The following MYOG variants were observed in gnomAD, a reference collection of about 807,000 sequenced individuals.
The protein encoded by MYOG is myogenin.
MYOG carries 6 observed loss-of-function variants against 17.7 expected under a neutral mutation model. The observed-to-expected ratio is 0.34, with a 90% confidence interval of 0.19 to 0.67. The LOEUF (loss-of-function observed/expected upper bound fraction) is 0.67, where lower values mean the gene tolerates loss of function less well. Among genes scored for constraint, MYOG ranks in the 30% least tolerant of loss-of-function variants. The pLI is 0.69. For synonymous variants in MYOG, 125 were observed against 130.2 expected, an observed-to-expected ratio of 0.96 and a Z score of 0.27; for missense variants, 272 against 302.0, an observed-to-expected ratio of 0.90 and a Z score of 0.74.
In MYOG at chr1:203,085,856, C is replaced by G. The variant is rs141951943; in HGVS notation, c.106G>C (p.Glu36Gln). ...GGGCTCAGGGTGAGCTCCGTCCGCT[C>G]GTAGCCTGGTGGTTCGAAGCCCTGG... ...HLQGFEPPGY[E>Q]RTELTLSPEA... Residue 36 changes from glutamate (E) to glutamine (Q), a missense_variant, in exon 1 of 3, where the codon GAG (glutamate) becomes CAG (glutamine). By Grantham distance (29) the Glu-to-Gln change is conservative (BLOSUM62 2). Coordinates refer to ENST00000241651, the MANE Select transcript of MYOG (RefSeq NM_002479.6). 5.6e-4 allele frequency: 907 copies of G among 1,613,852 alleles called. 2 individuals carry two copies. Among genetic ancestry groups the G allele is most frequent in the Non-Finnish European group, 7.3e-4 (865 of 1,179,966 alleles).
At chr1:203,084,827 G>A (rs765843773) in intron 1 of MYOG, 99 bp from the exon 2 acceptor site, 13 of 1,257,532 alleles carry the variant, frequency 1.0e-5, no homozygotes, top group Non-Finnish European at 1.4e-5. Context: ...GGTGGGGTTG[G>A]AGGGTGGGCC....
At chr1:203,084,815 G>T in intron 1 of MYOG, 87 bp from the exon 2 acceptor site, 1 of 1,375,652 alleles carries the variant, frequency 7.3e-7, no homozygotes, top group Non-Finnish European at 1.0e-6. Flanking sequence ...AGAAGTACCT[G>T]TGGTGGGGTT....
In MYOG at chr1:203,083,642, C is replaced by T. The variant is rs999879726; in HGVS notation, c.*268G>A. The T allele has an allele frequency of 7.0e-6, 4 of 574,950 alleles. No homozygotes were observed. The highest frequency in any genetic ancestry group is 1.2e-5 in the Non-Finnish European group (4 of 324,354). The allele number at this position is 574,950 out of a possible 1,614,324, so 35.6% of individuals were successfully genotyped here. On this transcript the variant is annotated 3_prime_UTR_variant, in exon 3 of 3. Transcript: ENST00000241651. ...TTTGCCCCCTGAGCTGGGGCATACA[C>T]GAGGGGGCGCTCTGGTCCCCTGCTT...
In MYOG at chr1:203,084,650, C is replaced by T. The variant is rs1439049242; in HGVS notation, c.550G>A (p.Gly184Arg). The T allele has an allele frequency of 1.5e-5, 24 of 1,609,990 alleles. No individual in the cohort carries two copies. The highest frequency in any genetic ancestry group is 2.0e-5 in the Non-Finnish European group (24 of 1,178,158). The change falls in exon 2 of 3, where the codon GGG becomes AGG. Residue 184 changes from glycine to arginine, a missense_variant. By Grantham distance (125) the Gly-to-Arg change is moderately radical. Coordinates refer to ENST00000241651, the MANE Select transcript of MYOG (RefSeq NM_002479.6). The part of the protein sequence containing the change: ...GSALEFSANP[G>R]DHLLTADPTD... ...TTACCAGTCAGGCCTTACTTACCCC[C>T]TGGGTTGGCGCTGAACTCCAGTGCA...
rs1184333806 is a variant in MYOG, at chr1:203,084,744, A to G, written c.472-16T>C. 6.3e-7 allele frequency: 1 copy of G among 1,597,474 alleles called. No individual in the cohort carries two copies. The highest frequency in any genetic ancestry group is 2.3e-5 in the East Asian group (1 of 43,970). On this transcript the variant is annotated splice_polypyrimidine_tract_variant and intron_variant, in intron 1 of 2. Transcript: ENST00000241651. ...CGCTGGGCACCTGCAAGACAGGGCG[A>G]AGGCCCAAGGTCGGGGCACAGCCAT...
chr1:203,085,288 G>T (rs1409960103), intron 1 of MYOG, among the ~76,000 whole-genome samples: 1 of 152,132 alleles, frequency 6.6e-6, no homozygotes, highest in Non-Finnish European at 1.5e-5. Flanking sequence ...CCTCCCCACT[G>T]CCTTTATCTT....
At position 203,083,782 on chromosome 1, in the gene MYOG, C is replaced by A; in HGVS notation, c.*128G>T. On this transcript the variant is annotated 3_prime_UTR_variant, in exon 3 of 3. Coordinates refer to ENST00000241651, the MANE Select transcript of MYOG (RefSeq NM_002479.6). ...ATGGATGAGGAAGGGGATAGTCTGGCCTATGGCACCCCAGAGCTGGCTTCC... is the reference window on the plus strand; with the variant it reads ...ATGGATGAGGAAGGGGATAGTCTGGACTATGGCACCCCAGAGCTGGCTTCC... 1.4e-6 allele frequency: 2 copies of A among 1,397,040 alleles called. No individual in the cohort carries two copies. Among genetic ancestry groups the A allele is most frequent in the South Asian group, 2.7e-5 (2 of 73,338 alleles). 86.5% of individuals were successfully genotyped at this position (1,397,040 alleles called of 1,614,324 possible). A position where few individuals can be genotyped will look rare whatever the true frequency, so the allele number is the denominator to read the frequency against.
At position 203,085,830 on chromosome 1, in the gene MYOG, G is replaced by C. The variant is rs758683910; in HGVS notation, c.132C>G (p.Pro44=). 1.9e-6 allele frequency: 3 copies of C among 1,613,972 alleles called. No homozygotes were observed. Among genetic ancestry groups the C allele is most frequent in the Non-Finnish European group, 2.5e-6 (3 of 1,179,934 alleles). Residue 44 remains proline, a synonymous_variant, in exon 1 of 3, where the codon CCC becomes CCG. Transcript: ENST00000241651. ...GYERTELTLS[P]EAPGPLEDKG... ...TGTCCTCAAGGGGCCCTGGGGCCTCGGGGCTCAGGGTGAGCTCCGTCCGCT... is the reference window on the plus strand; with the variant it reads ...TGTCCTCAAGGGGCCCTGGGGCCTCCGGGCTCAGGGTGAGCTCCGTCCGCT...
At position 203,085,929 on chromosome 1, in the gene MYOG, G is replaced by T; in HGVS notation, c.33C>A (p.Tyr11Ter). The change falls in exon 1 of 3, where the codon TAC (tyrosine) becomes TAA (stop). Residue 11 changes from tyrosine to a stop codon, truncating the protein, a stop_gained. Transcript: ENST00000241651. LOFTEE classifies it high-confidence loss of function. Reference protein sequence around the residue: MELYETSPYFYQEPRFYDGEN... With the variant: MELYETSPYF ...CCCCATCATAGAAGCGGGGTTCCTG[G>T]TAGAAGTAGGGGGATGTCTCATACA... 1 of 1,600,992 alleles carries T rather than the reference G, an allele frequency of 6.2e-7. No homozygotes were observed. Among genetic ancestry groups the T allele is most frequent in the African/African-American group, 1.3e-5 (1 of 74,464 alleles).
chr1:203,085,375 C>G (rs982000462), intron 1 of MYOG, 116 bp downstream of exon 1: 2 of 970,412 alleles, frequency 2.1e-6, no homozygotes, highest in African/African-American at 3.3e-5. Flanking sequence ...TGCAGCCCCT[C>G]GACCCTGTCT....
rs768184355 is a variant in MYOG at position 203,085,507 on chromosome 1, C to T, written c.455G>A (p.Gly152Asp). 24 of 1,612,728 alleles carry T rather than the reference C, an allele frequency of 1.5e-5. No individual in the cohort carries two copies. In the Admixed American group the frequency reaches 3.8e-4, roughly 26 times the overall value. The change falls in exon 1 of 3, where the codon GGC becomes GAC. Residue 152 changes from glycine (G) to aspartate (D), a missense_variant. Gly to Asp is a moderately conservative substitution (Grantham distance 94, BLOSUM62 -1). Coordinates refer to ENST00000241651, the MANE Select transcript of MYOG (RefSeq NM_002479.6). ...GCCACTTACCCCTGGCTGGGGCCCG[C>T]CCCCGCCCCGGTAGCGGAGGTCACG... is the stretch of plus-strand genomic sequence containing the variant. ...EERDLRYRGG[G>D]GPQPGVPSEC... is the part of the protein sequence containing the mutation.
chr1:203,084,166 C>T (rs780103727), intron 2 of MYOG, 135 bp from the exon 3 acceptor site: 137 of 1,102,022 alleles, frequency 1.2e-4, no homozygotes, highest in Admixed American at 2.9e-4. Context: ...GTTCTACTCC[C>T]TAGTCCCTGC....
Position 203,084,675 on chromosome 1 carries a change from A to G in MYOG, c.525T>C (p.Ser175=), listed in dbSNP as rs750119188. Residue 175 remains serine (S), a synonymous_variant, in exon 2 of 3, where the codon AGT becomes AGC. Coordinates refer to ENST00000241651, the MANE Select transcript of MYOG (RefSeq NM_002479.6). ...CTGGGTTGGCGCTGAACTCCAGTGC[A>G]CTGCCCCACTCTGGACTGCAGGAGG... is the stretch of plus-strand genomic sequence containing the variant. ...HSASCSPEWG[S]ALEFSANPGD... The G allele has an allele frequency of 1.2e-6, 2 of 1,611,472 alleles. No homozygotes were observed. The highest frequency in any genetic ancestry group is 1.1e-5 in the South Asian group (1 of 90,412).
In MYOG at chr1:203,083,736, T is replaced by TG; in HGVS notation, c.*173dup. On this transcript the variant is annotated 3_prime_UTR_variant, in exon 3 of 3. Transcript: ENST00000241651. ...TGAATGAGGGCGTCCAGTCCCTTGC[T>TG]GGGGGGTGGGTTAACCTTACATGGA... The TG allele has an allele frequency of 2.1e-6, 2 of 954,294 alleles. No homozygotes were observed. Among genetic ancestry groups the TG allele is most frequent in the South Asian group, 1.6e-5 (1 of 62,174 alleles). The allele number at this position is 954,294 out of a possible 1,614,324, so 59.1% of individuals were successfully genotyped here. A position where few individuals can be genotyped will look rare whatever the true frequency, so the allele number is the denominator to read the frequency against.
chr1:203,085,198 A>G (rs1428277827), intron 1 of MYOG, among the ~76,000 whole-genome samples: 4 of 152,118 alleles, frequency 2.6e-5, no homozygotes, highest in African/African-American at 9.6e-5. Context: ...ATTAATCCTC[A>G]CCCTCACCTG....
At position 203,085,848 on chromosome 1, in the gene MYOG, C is replaced by T. The variant is rs1290944446; in HGVS notation, c.114G>A (p.Thr38=). The change falls in exon 1 of 3, where the codon ACG becomes ACA. Residue 38 remains threonine, a synonymous_variant. Transcript: ENST00000241651. ...QGFEPPGYER[T]ELTLSPEAPG... is the part of the protein sequence containing the mutation. ...GGGCCTCGGGGCTCAGGGTGAGCTC[C>T]GTCCGCTCGTAGCCTGGTGGTTCGA... is the stretch of plus-strand genomic sequence containing the variant. 1.4e-5 allele frequency: 23 copies of T among 1,613,908 alleles called. No individual in the cohort carries two copies. Among genetic ancestry groups the T allele is most frequent in the South Asian group, 2.2e-5 (2 of 91,076 alleles).
intron 2 of MYOG, among the ~76,000 whole-genome samples, 159 bp from the exon 3 acceptor site, chr1:203,084,190 CTGTGAGTGTG>C (rs1040127106): frequency 2.7e-5 from 2 of 73,872 alleles, no homozygotes; most frequent in African/African-American, 9.9e-5. Flanking sequence ...TCCCCATGCT[CTGTGAGTGTG>C]TGTGTGTGTG....
In MYOG at chr1:203,085,943, A is replaced by G. The variant is rs1470567669; in HGVS notation, c.19T>C (p.Ser7Pro). The change falls in exon 1 of 3, where the codon TCC (serine) becomes CCC (proline). Residue 7 changes from serine to proline, a missense_variant. Transcript: ENST00000241651. ...CGGGGTTCCTGGTAGAAGTAGGGGG[A>G]TGTCTCATACAGCTCCATGGGGTCG... The part of the protein sequence containing the change: MELYET[S>P]PYFYQEPRFY... 1 of 1,591,990 alleles carries G rather than the reference A, an allele frequency of 6.3e-7. No homozygotes were observed. Among genetic ancestry groups the G allele is most frequent in the Non-Finnish European group, 8.5e-7 (1 of 1,169,868 alleles).
At position 203,083,961 on chromosome 1, in the gene MYOG, G is replaced by A. The variant is rs777435325; in HGVS notation, c.624C>T (p.Ile208=). 3 of 1,592,650 alleles carry A rather than the reference G, an allele frequency of 1.9e-6. No homozygotes were observed. Among genetic ancestry groups the A allele is most frequent in the South Asian group, 2.3e-5 (2 of 87,360 alleles). The change falls in exon 3 of 3, where the codon ATC becomes ATT. Residue 208 remains isoleucine (I), a synonymous_variant. Coordinates refer to ENST00000241651, the MANE Select transcript of MYOG (RefSeq NM_002479.6). ...LHSLTSIVDS[I]TVEDVSVAFP... ...AGGCCACAGACACATCTTCCACTGTGATGCTGTCCACGATGGAGGTGAGGG... is the reference window on the plus strand; with the variant it reads ...AGGCCACAGACACATCTTCCACTGTAATGCTGTCCACGATGGAGGTGAGGG...
Sources: allele counts gnomAD v4.1 joint callset (sites outside exome capture counted in the v4.1 genomes callset), GRCh38; gene constraint gnomAD v4.1.1; transcripts MANE v1.5; gene names NCBI Gene and HGNC (gene_info 2026-07-23, HGNC 2026-07-21).